ABCA1: variants seen among roughly 807,000 people sequenced by gnomAD.
The protein encoded by ABCA1 is ATP binding cassette subfamily A member 1.
In ABCA1, 133 loss-of-function variants were observed where a neutral mutation model predicts 262.5. The ratio of observed to expected loss-of-function variants is 0.51; its 90% CI spans 0.44 to 0.59. The LOEUF (loss-of-function observed/expected upper bound fraction) is 0.59, where lower values mean the gene tolerates loss of function less well. Among genes scored for constraint, ABCA1 ranks in the 20% least tolerant of loss-of-function variants. The probability of loss-of-function intolerance (pLI) is 0.00; values close to 1 mark genes in which losing one functional copy is unlikely to be tolerated. For synonymous variants in ABCA1, 1,022 were observed against 1,043.5 expected (o/e 0.98, Z 0.40); for missense variants, 2,452 against 2,777.5 (o/e 0.88, Z 2.63).
chr9:104,784,497 C>A, intron 49 of ABCA1, 42 bp from the exon 50 acceptor site: 1 of 1,612,236 alleles, frequency 6.2e-7, no homozygotes, highest in South Asian at 1.1e-5. Flanking sequence ...TACCACTCAA[C>A]TTGCTCATTC....
At chr9:104,870,028 T>C (rs973628155) in intron 5 of ABCA1, among the ~76,000 whole-genome samples, 1 of 152,178 alleles carries the variant, frequency 6.6e-6, no homozygotes, top group African/African-American at 2.4e-5. Flanking sequence ...TAAATGTGGA[T>C]AAAGTCATAG....
intron 1 of ABCA1, among the ~76,000 whole-genome samples, chr9:104,907,129 C>A (rs1027666292): frequency 6.6e-5 from 10 of 152,222 alleles, no homozygotes; most frequent in Non-Finnish European, 2.9e-5. Flanking sequence ...CCACTCCCCA[C>A]CTGCTAAGCA....
In ABCA1 at chr9:104,784,125, A is replaced by C; in HGVS notation, c.*190T>G. ...GAGCCATACAAGACATAGGCTACAA[A>C]GGCACTGCCCCTGTAATGGAATTTT... On this transcript the variant is annotated 3_prime_UTR_variant, in exon 50 of 50. Coordinates refer to ENST00000374736, the MANE Select transcript of ABCA1 (RefSeq NM_005502.4). 1 of 668,606 alleles carries C rather than the reference A, an allele frequency of 1.5e-6. No homozygotes were observed. The allele number at this position is 668,606 out of a possible 1,614,324, so 41.4% of individuals were successfully genotyped here.
intron 1 of ABCA1, among the ~76,000 whole-genome samples, chr9:104,906,052 C>T (rs1841109483): frequency 1.3e-5 from 2 of 152,196 alleles, no homozygotes; most frequent in African/African-American, 2.4e-5. Flanking sequence ...CAACACAGTA[C>T]ATGGCTTAAT....
intron 9 of ABCA1, 69 bp from the exon 10 acceptor site, chr9:104,837,636 T>A: frequency 6.3e-7 from 1 of 1,586,872 alleles, no homozygotes; most frequent in Non-Finnish European, 8.6e-7. Flanking sequence ...ACAAGGGCTT[T>A]GGAGCCAGAG....
chr9:104,807,056 T>C (rs2777802), intron 30 of ABCA1, among the ~76,000 whole-genome samples: 98,265 of 152,028 alleles, frequency 0.65, 34,212 homozygotes, highest in Non-Finnish European at 0.77. Flanking sequence ...TGCATTTCTA[T>C]TTTTTAGGAA....
rs79301952 is a variant in ABCA1, at chr9:104,906,383, G to C, written c.-92-2612C>G. 3.9e-3 allele frequency among the ~76,000 whole-genome samples: 601 copies of C among 152,228 alleles called. 1 individual carries two copies. Among genetic ancestry groups the C allele is most frequent in the African/African-American group, 0.013 (543 of 41,520 alleles). ...AAGAAGGGAAGGATGAGTTTTCTTGGACAGCATTTTCTTGGAAGTAAAGTG... is the reference window on the plus strand; with the variant it reads ...AAGAAGGGAAGGATGAGTTTTCTTGCACAGCATTTTCTTGGAAGTAAAGTG... On this transcript the variant is annotated intron_variant, in intron 1 of 49. Transcript: ENST00000374736.
chr9:104,856,671 T>C (rs1332504447), intron 7 of ABCA1, among the ~76,000 whole-genome samples: 3 of 152,140 alleles, frequency 2.0e-5, no homozygotes, highest in African/African-American at 4.8e-5. Context: ...GTGTACACAA[T>C]AGGTGTTTAA....
chr9:104,840,884 G>A (rs1037180709), intron 8 of ABCA1, among the ~76,000 whole-genome samples: 4 of 152,120 alleles, frequency 2.6e-5, no homozygotes, highest in African/African-American at 9.7e-5. Flanking sequence ...AGCCCCTGGG[G>A]CTGGGCTTCG....
At chr9:104,819,188 T>C (rs1278122566) in intron 22 of ABCA1, among the ~76,000 whole-genome samples, 1 of 152,190 alleles carries the variant, frequency 6.6e-6, no homozygotes, top group Non-Finnish European at 1.5e-5. Flanking sequence ...ACCACTATTA[T>C]TATCGGCAAA....
chr9:104,822,038 G>A (rs60274038), intron 19 of ABCA1, among the ~76,000 whole-genome samples: 2,165 of 152,244 alleles, frequency 0.014, 49 homozygotes, highest in African/African-American at 0.05. Flanking sequence ...TGAGGCTAAC[G>A]CTGGTGCTTT....
chr9:104,847,248 G>A (rs1238214718), intron 7 of ABCA1, among the ~76,000 whole-genome samples: 2 of 152,196 alleles, frequency 1.3e-5, no homozygotes, highest in Non-Finnish European at 2.9e-5. Flanking sequence ...CCGCCACCCT[G>A]TGCCCCAATT....
In ABCA1 at chr9:104,818,771, C is replaced by G; in HGVS notation, c.3354G>C (p.Leu1118=). ...AGTAGCCTGTTCCCAGCTGGTTCTT[C>G]AGAAACAGGGAGGAGCCCACACAGC... ...KLCCVGSSLF[L]KNQLGTGYYL... The change falls in exon 23 of 50, where the codon CTG becomes CTC. Residue 1118 remains leucine, a synonymous_variant. Coordinates refer to ENST00000374736, the MANE Select transcript of ABCA1 (RefSeq NM_005502.4). 1.9e-6 allele frequency: 3 copies of G among 1,614,038 alleles called. No individual in the cohort carries two copies. The highest frequency in any genetic ancestry group is 1.7e-6 in the Non-Finnish European group (2 of 1,180,028).
intron 8 of ABCA1, among the ~76,000 whole-genome samples, chr9:104,845,103 C>T (rs1834744585): frequency 6.6e-6 from 1 of 152,184 alleles, no homozygotes; most frequent in South Asian, 2.1e-4. Context: ...AAATGATTGG[C>T]CTTGCTACTG....
At chr9:104,850,323 T>C (rs1835265604) in intron 7 of ABCA1, among the ~76,000 whole-genome samples, 1 of 152,230 alleles carries the variant, frequency 6.6e-6, no homozygotes, top group Non-Finnish European at 1.5e-5. Context: ...TGTTTCACCA[T>C]GTTGGCCAAG....
chr9:104,796,598 A>T (rs1226387597), intron 37 of ABCA1, among the ~76,000 whole-genome samples, 174 bp from the exon 38 acceptor site: 1 of 152,236 alleles, frequency 6.6e-6, no homozygotes, highest in East Asian at 1.9e-4. Context: ...CATTTTGACA[A>T]GCATTTTCCC....
chr9:104,874,584 A>C (rs1219975214), intron 5 of ABCA1, among the ~76,000 whole-genome samples: 1 of 151,866 alleles, frequency 6.6e-6, no homozygotes, highest in African/African-American at 2.4e-5. Context: ...CAAAAACAAA[A>C]ACAAACAAAC....
intron 1 of ABCA1, among the ~76,000 whole-genome samples, chr9:104,909,760 A>G (rs947377305): frequency 6.6e-6 from 1 of 152,068 alleles, no homozygotes; most frequent in Non-Finnish European, 1.5e-5. Context: ...TTTGAACTTG[A>G]CATGCACATT....
intron 39 of ABCA1, among the ~76,000 whole-genome samples, 155 bp from the exon 40 acceptor site, chr9:104,794,665 A>C (rs1259956213): frequency 2.0e-5 from 3 of 152,212 alleles, no homozygotes; most frequent in African/African-American, 7.2e-5. Flanking sequence ...TTTAATTCAG[A>C]TACCAATTAA....
Sources: allele counts gnomAD v4.1 joint callset (sites outside exome capture counted in the v4.1 genomes callset), GRCh38; gene constraint gnomAD v4.1.1; transcripts MANE v1.5; gene names NCBI Gene and HGNC (gene_info 2026-07-23, HGNC 2026-07-21).